The following SDK2 variants were observed in gnomAD, a reference collection of about 807,000 sequenced individuals.
SDK2 encodes the protein protein sidekick-2.
In SDK2, 105 loss-of-function variants were observed where a neutral mutation model predicts 253.9. The observed-to-expected ratio is 0.41, with a 90% CI of 0.35 to 0.49. The LOEUF (loss-of-function observed/expected upper bound fraction) is 0.49. Among genes scored for constraint, SDK2 ranks in the 20% least tolerant of loss-of-function variants. SDK2 has a pLI of 0.06. For missense variants in SDK2, 2,608 were observed against 3,003.0 expected (o/e 0.87, Z 3.07); for synonymous variants, 1,249 against 1,234.9 (o/e 1.01, Z -0.24).
In SDK2 at chr17:73,398,348, G is replaced by A. The variant is rs766122909; in HGVS notation, c.3175C>T (p.Pro1059Ser). The change falls in exon 23 of 45, where the codon CCC becomes TCC. Residue 1059 changes from proline to serine, a missense_variant. By Grantham distance (74) the Pro-to-Ser change is moderately conservative. Coordinates refer to ENST00000392650, the MANE Select transcript of SDK2 (RefSeq NM_001144952.2). ...NEPDARSMEV[P>S]DLNPFTCYSF... is the part of the protein sequence containing the mutation. Reference sequence around the variant, plus strand: ...TAGCAGGTGAAGGGGTTGAGGTCGGGCACCTCCATGGAGCGGGCATCGGGC... The same window carrying A: ...TAGCAGGTGAAGGGGTTGAGGTCGGACACCTCCATGGAGCGGGCATCGGGC... 1.9e-6 allele frequency: 3 copies of A among 1,613,870 alleles called. No homozygotes were observed. In the African/African-American group the frequency reaches 4.0e-5, roughly 22 times the overall value.
chr17:73,402,385 A>C (rs1048651068), intron 18 of SDK2, among the ~76,000 whole-genome samples: 1 of 152,238 alleles, frequency 6.6e-6, no homozygotes, highest in African/African-American at 2.4e-5. Flanking sequence ...GCTTCCCAGG[A>C]ATCGCCTCGT....
rs117291342 is a variant in SDK2 at position 73,385,883 on chromosome 17, C to A, written c.4533G>T (p.Thr1511=). The change falls in exon 32 of 45, where the codon ACG becomes ACT. Residue 1511 remains threonine, a synonymous_variant. Coordinates refer to ENST00000392650, the MANE Select transcript of SDK2 (RefSeq NM_001144952.2). ...PDEAPTILSV[T]PHTTTSVLIR... ...TTAGCACGGAGGTGGTGGTGTGGGG[C>A]GTCACGGAGAGGATGGTGGGTGCTT... The A allele has an allele frequency of 1.9e-6, 3 of 1,608,550 alleles. No homozygotes were observed. The highest frequency in any genetic ancestry group is 2.7e-5 in the African/African-American group (2 of 74,782).
chr17:73,399,812 G>T (rs916191566), intron 21 of SDK2, among the ~76,000 whole-genome samples: 4 of 152,108 alleles, frequency 2.6e-5, no homozygotes, highest in Admixed American at 1.3e-4. Context: ...ACAACAGAAA[G>T]AACACAGATT....
chr17:73,515,498 C>A (rs2064018575), intron 1 of SDK2, among the ~76,000 whole-genome samples: 1 of 152,202 alleles, frequency 6.6e-6, no homozygotes, highest in South Asian at 2.1e-4. Context: ...GATAAGGAGG[C>A]AGAATATCCC....
intron 36 of SDK2, among the ~76,000 whole-genome samples, chr17:73,378,839 T>C (rs1449337260): frequency 6.6e-6 from 1 of 152,070 alleles, no homozygotes; most frequent in Non-Finnish European, 1.5e-5. Flanking sequence ...GGGTCTTAAG[T>C]TATGTATGGG....
At position 73,395,284 on chromosome 17, in the gene SDK2, G is replaced by C. The variant is rs138801054; in HGVS notation, c.3463C>G (p.Arg1155Gly). The stretch of plus-strand genomic sequence containing the variant: ...TCGATGGTGTAGTCCCGCTCCACAC[G>C]GTCCTGCACCACGTGGCTCAGCGTC... Reference protein sequence around the residue: ...GKTLSHVVQDRVERDYTIEDL... With the variant: ...GKTLSHVVQDGVERDYTIEDL... Residue 1155 changes from arginine (R) to glycine (G), a missense_variant, in exon 25 of 45, where the codon CGT (arginine) becomes GGT (glycine). Coordinates refer to ENST00000392650, the MANE Select transcript of SDK2 (RefSeq NM_001144952.2). The surrounding 1 kb of genome is among the most constrained non-coding windows in gnomAD (Gnocchi z 4.3). The C allele has an allele frequency of 1.1e-4, 181 of 1,613,930 alleles. No individual in the cohort carries two copies. The African/African-American group carries it at 2.1e-3, about 19-fold the overall frequency.
chr17:73,350,956 G>A (rs761403601), intron 41 of SDK2, among the ~76,000 whole-genome samples, 166 bp from the exon 42 acceptor site: 12 of 152,156 alleles, frequency 7.9e-5, no homozygotes, highest in Non-Finnish European at 1.2e-4. Context: ...TCAAGTATCC[G>A]CTCTGATCAG....
At chr17:73,398,298 C>T in intron 23 of SDK2, 22 bp downstream of exon 23, 1 of 1,609,810 alleles carries the variant, frequency 6.2e-7, no homozygotes, top group Non-Finnish European at 8.5e-7. Flanking sequence ...CTGCTGCCTT[C>T]TCCCCGGGCC....
intron 12 of SDK2, among the ~76,000 whole-genome samples, chr17:73,427,541 C>G (rs2063292764): frequency 6.6e-6 from 1 of 151,316 alleles, no homozygotes; most frequent in Non-Finnish European, 1.5e-5. Context: ...TCTTCTAGAA[C>G]CTGGTTTCTC....
At chr17:73,480,482 C>T (rs1177787675) in intron 2 of SDK2, among the ~76,000 whole-genome samples, 1 of 152,122 alleles carries the variant, frequency 6.6e-6, no homozygotes, top group East Asian at 1.9e-4. Flanking sequence ...TTTAGTGGAT[C>T]TTTTGATTGT....
intron 1 of SDK2, among the ~76,000 whole-genome samples, chr17:73,619,258 G>T (rs984536417): frequency 2.0e-5 from 3 of 151,736 alleles, no homozygotes; most frequent in Non-Finnish European, 4.4e-5. Context: ...TGGAAGAAAT[G>T]GATGGCACAA....
chr17:73,587,823 T>C (rs1255788169), intron 1 of SDK2, among the ~76,000 whole-genome samples: 1 of 149,856 alleles, frequency 6.7e-6, no homozygotes, highest in East Asian at 1.9e-4. Context: ...TTTAAAGTCT[T>C]CTCATTGCTT....
At chr17:73,497,532 T>C (rs1347519627) in intron 2 of SDK2, among the ~76,000 whole-genome samples, 1 of 152,016 alleles carries the variant, frequency 6.6e-6, no homozygotes, top group Non-Finnish European at 1.5e-5. Flanking sequence ...CCCAGAAAGC[T>C]CCTTCTCCGC....
At chr17:73,384,409 G>A (rs954433732) in intron 32 of SDK2, among the ~76,000 whole-genome samples, 1 of 152,108 alleles carries the variant, frequency 6.6e-6, no homozygotes, top group African/African-American at 2.4e-5. Flanking sequence ...CAGGCCTGCT[G>A]GTCCCTGCCT....
Position 73,644,325 on chromosome 17 carries a change from GAA to G in SDK2, c.-239_-238del, listed in dbSNP as rs368937288. On this transcript the variant is annotated 5_prime_UTR_variant, in exon 1 of 45. Coordinates refer to ENST00000392650, the MANE Select transcript of SDK2 (RefSeq NM_001144952.2). The surrounding 1 kb of genome is among the most constrained non-coding windows in gnomAD (Gnocchi z 6.3). ...CCGGAAGGCGAGGGGCGAGCAGGGAGAAAGAGGCCAGGCCGCCCTCTCGGACT... is the reference window on the plus strand; with the variant it reads ...CCGGAAGGCGAGGGGCGAGCAGGGAGAGAGGCCAGGCCGCCCTCTCGGACT... Among the ~76,000 whole-genome samples the G allele has an allele frequency of 7.9e-5, 12 of 152,190 alleles. No individual in the cohort carries two copies. The highest frequency in any genetic ancestry group is 2.9e-4 in the African/African-American group (12 of 41,462).
intron 3 of SDK2, among the ~76,000 whole-genome samples, chr17:73,469,992 G>GCGCACACA (rs1328450219): frequency 0.026 from 3,279 of 126,200 alleles, 53 homozygotes; most frequent in East Asian, 0.04. Context: ...GCGCGCGCGC[G>GCGCACACA]CACACACACA....
At chr17:73,585,301 G>A (rs2045589392) in intron 1 of SDK2, among the ~76,000 whole-genome samples, 1 of 152,232 alleles carries the variant, frequency 6.6e-6, no homozygotes, top group African/African-American at 2.4e-5. Flanking sequence ...AGTCTAGGGC[G>A]ATGAGAAGTC....
intron 5 of SDK2, among the ~76,000 whole-genome samples, chr17:73,444,955 A>C (rs1385859212): frequency 6.6e-6 from 1 of 152,210 alleles, no homozygotes; most frequent in Non-Finnish European, 1.5e-5. Context: ...TGTCCCTTTG[A>C]TTTAATGTGA....
intron 4 of SDK2, among the ~76,000 whole-genome samples, chr17:73,454,417 G>A (rs535736760): frequency 6.6e-6 from 1 of 152,372 alleles, no homozygotes; most frequent in African/African-American, 2.4e-5. Flanking sequence ...GACCAGCTGT[G>A]TGAGATTTGG....
Sources: allele counts gnomAD v4.1 joint callset (sites outside exome capture counted in the v4.1 genomes callset), GRCh38; gene constraint gnomAD v4.1.1; non-coding constraint Gnocchi (gnomAD v3.1); transcripts MANE v1.5; gene names NCBI Gene and HGNC (gene_info 2026-07-23, HGNC 2026-07-21).